The following PDSS2 variants were observed in gnomAD, a reference collection of about 807,000 sequenced individuals.
PDSS2 encodes all trans-polyprenyl-diphosphate synthase PDSS2.
In PDSS2, 31 loss-of-function variants were observed where a neutral mutation model predicts 44.5. The ratio of observed to expected loss-of-function variants is 0.70; its 90% CI spans 0.52 to 0.94. The LOEUF (loss-of-function observed/expected upper bound fraction) is 0.94, where lower values mean the gene tolerates loss of function less well. PDSS2 is among the 40% of genes least tolerant of loss of function. PDSS2 has a pLI of 0.00. For synonymous variants in PDSS2, 157 were observed against 180.3 expected (o/e 0.87, Z 1.03); for missense variants, 452 against 482.2 (o/e 0.94, Z 0.59).
chr6:107,214,966 T>C (rs554692070), intron 4 of PDSS2, among the ~76,000 whole-genome samples: 1 of 152,130 alleles, frequency 6.6e-6, no homozygotes, highest in Non-Finnish European at 1.5e-5. Flanking sequence ...ATTCCACTTA[T>C]GGCAATGGTT....
intron 1 of PDSS2, among the ~76,000 whole-genome samples, chr6:107,444,752 A>G (rs1410249764): frequency 6.6e-6 from 1 of 152,174 alleles, no homozygotes; most frequent in African/African-American, 2.4e-5. Flanking sequence ...TGCAGAAAGG[A>G]CTAATGAGGT....
intron 1 of PDSS2, among the ~76,000 whole-genome samples, chr6:107,416,173 G>A (rs562108745): frequency 3.9e-5 from 6 of 152,118 alleles, no homozygotes; most frequent in African/African-American, 7.2e-5. Flanking sequence ...ATGGTAAAAC[G>A]ACAGAACTCT....
intron 6 of PDSS2, among the ~76,000 whole-genome samples, chr6:107,204,559 A>G (rs1475992549): frequency 6.6e-6 from 1 of 152,100 alleles, no homozygotes. Context: ...TAATTTGACA[A>G]CATTGCATGC....
chr6:107,414,750 T>C (rs1780607562), intron 1 of PDSS2, among the ~76,000 whole-genome samples: 1 of 152,196 alleles, frequency 6.6e-6, no homozygotes, highest in Non-Finnish European at 1.5e-5. Flanking sequence ...TCCCCAGTCC[T>C]TGTTAACATT....
chr6:107,327,552 G>C (rs552692919), intron 2 of PDSS2, among the ~76,000 whole-genome samples: 1 of 152,232 alleles, frequency 6.6e-6, no homozygotes, highest in South Asian at 2.1e-4. Flanking sequence ...CCACCTCCCA[G>C]GTTCAAGCAA....
chr6:107,440,898 G>A (rs944515631), intron 1 of PDSS2, among the ~76,000 whole-genome samples: 3 of 152,208 alleles, frequency 2.0e-5, no homozygotes, highest in Non-Finnish European at 4.4e-5. Flanking sequence ...TGAAGAAGGT[G>A]TAACAACCCA....
At chr6:107,280,737 T>G (rs963182039) in intron 2 of PDSS2, among the ~76,000 whole-genome samples, 28 of 152,180 alleles carry the variant, frequency 1.8e-4, no homozygotes, top group African/African-American at 6.8e-4. Flanking sequence ...TAACTTGAAA[T>G]CTCTTCAAAT....
At chr6:107,376,083 G>A (rs982383953) in intron 1 of PDSS2, among the ~76,000 whole-genome samples, 15 of 152,206 alleles carry the variant, frequency 9.9e-5, no homozygotes, top group African/African-American at 2.6e-4. Context: ...GACATCTGGC[G>A]TTATTTCTGA....
chr6:107,346,526 T>C (rs975861648), intron 1 of PDSS2, among the ~76,000 whole-genome samples: 1 of 152,272 alleles, frequency 6.6e-6, no homozygotes, highest in Admixed American at 6.5e-5. Context: ...TGTTATAGCA[T>C]ATTTACTTGT....
intron 1 of PDSS2, among the ~76,000 whole-genome samples, chr6:107,351,778 G>A (rs191710180): frequency 6.6e-6 from 1 of 152,164 alleles, no homozygotes; most frequent in Admixed American, 6.5e-5. Flanking sequence ...TTCCAAAAAA[G>A]CTATTATTCT....
intron 1 of PDSS2, among the ~76,000 whole-genome samples, chr6:107,336,438 A>T (rs555262629): frequency 4.0e-4 from 61 of 152,144 alleles, no homozygotes; most frequent in African/African-American, 1.4e-3. Context: ...GGCAATCTTC[A>T]TCAAGATAAA....
At chr6:107,285,570 C>T (rs1776112710) in intron 2 of PDSS2, among the ~76,000 whole-genome samples, 1 of 151,864 alleles carries the variant, frequency 6.6e-6, no homozygotes, top group Admixed American at 6.6e-5. Flanking sequence ...GAGAGAGATT[C>T]AAATGCAAAT....
At chr6:107,196,907 AAC>A (rs753719259) in intron 6 of PDSS2, among the ~76,000 whole-genome samples, 122 of 152,092 alleles carry the variant, frequency 8.0e-4, no homozygotes, top group Admixed American at 1.8e-3. Flanking sequence ...GTTCCATAAA[AAC>A]ACAGAATTTG....
At chr6:107,382,929 TA>T (rs1178399485) in intron 1 of PDSS2, among the ~76,000 whole-genome samples, 1 of 152,084 alleles carries the variant, frequency 6.6e-6, no homozygotes, top group Non-Finnish European at 1.5e-5. Context: ...ATATTTCCAA[TA>T]AATGGTATGG....
At chr6:107,260,932 G>A (rs1318858489) in intron 3 of PDSS2, among the ~76,000 whole-genome samples, 3 of 152,092 alleles carry the variant, frequency 2.0e-5, no homozygotes, top group African/African-American at 7.2e-5. Context: ...AAAGTGCTGG[G>A]ATTACAGGCT....
At chr6:107,363,683 C>T (rs1480144642) in intron 1 of PDSS2, among the ~76,000 whole-genome samples, 1 of 152,198 alleles carries the variant, frequency 6.6e-6, no homozygotes, top group Admixed American at 6.5e-5. Flanking sequence ...CCAATACTGG[C>T]TCGGGCAGCC....
At chr6:107,347,233 A>G (rs1243580279) in intron 1 of PDSS2, among the ~76,000 whole-genome samples, 1 of 149,242 alleles carries the variant, frequency 6.7e-6, no homozygotes, top group Non-Finnish European at 1.5e-5. Context: ...CAACTTCCAT[A>G]CAATTCCCTA....
At chr6:107,181,720 T>A (rs1442027001) in intron 7 of PDSS2, among the ~76,000 whole-genome samples, 1 of 151,576 alleles carries the variant, frequency 6.6e-6, no homozygotes, top group Non-Finnish European at 1.5e-5. Context: ...TGAAACCCCA[T>A]CTCTACTAAA....
intron 4 of PDSS2, among the ~76,000 whole-genome samples, chr6:107,234,200 C>G (rs1774149019): frequency 6.8e-6 from 1 of 147,216 alleles, no homozygotes; most frequent in Admixed American, 6.8e-5. Context: ...CTATTTTTAT[C>G]TTTTTTTTTT....
Sources: gnomAD v4.1 joint callset for allele counts (sites outside exome capture counted in the v4.1 genomes callset) on GRCh38, gnomAD v4.1.1 for gene constraint, MANE v1.5 for transcripts, NCBI Gene and HGNC (gene_info 2026-07-23, HGNC 2026-07-21) for gene names.